Variants in ERBB4 observed in about 807,000 individuals in gnomAD.
ERBB4 encodes the protein receptor tyrosine-protein kinase erbB-4.
In ERBB4, 42 loss-of-function variants were observed where a neutral mutation model predicts 158.0. That is an observed-to-expected ratio of 0.27 (90% CI 0.21 to 0.34). The LOEUF (loss-of-function observed/expected upper bound fraction) is 0.34, where lower values mean the gene tolerates loss of function less well. Among genes scored for constraint, ERBB4 ranks in the 10% least tolerant of loss-of-function variants. The pLI is 1.00. For missense variants in ERBB4, 1,333 were observed against 1,624.1 expected (o/e 0.82, Z 3.08); for synonymous variants, 583 against 558.7 (o/e 1.04, Z -0.61).
At chr2:211,699,820 G>A (rs2073165089) in intron 12 of ERBB4, among the ~76,000 whole-genome samples, 1 of 151,892 alleles carries the variant, frequency 6.6e-6, no homozygotes, top group African/African-American at 2.4e-5. Context: ...ACTCTCTTTT[G>A]GTCATTTGAA....
At chr2:211,418,080 CATT>C (rs1284199311) in intron 25 of ERBB4, among the ~76,000 whole-genome samples, 8 of 123,224 alleles carry the variant, frequency 6.5e-5, no homozygotes, top group South Asian at 3.1e-4. Context: ...TTTCAAAATG[CATT>C]ATTTTTTTTT....
chr2:212,006,058 A>G (rs2076252646), intron 2 of ERBB4, among the ~76,000 whole-genome samples: 1 of 152,210 alleles, frequency 6.6e-6, no homozygotes, highest in Non-Finnish European at 1.5e-5. Flanking sequence ...TTAAACCTGT[A>G]CAAGCATACA....
chr2:212,281,897 T>C (rs541670159), intron 1 of ERBB4, among the ~76,000 whole-genome samples: 2 of 151,878 alleles, frequency 1.3e-5, no homozygotes, highest in South Asian at 2.1e-4. Context: ...TAAAAATCAA[T>C]TGTCTAACCC....
At chr2:211,859,374 TTATC>T (rs1258779533) in intron 3 of ERBB4, among the ~76,000 whole-genome samples, 4 of 152,152 alleles carry the variant, frequency 2.6e-5, no homozygotes, top group African/African-American at 9.7e-5. Flanking sequence ...TTCACATAAA[TTATC>T]TAACCTTTGT....
At chr2:212,152,110 G>GT (rs1043755163) in intron 1 of ERBB4, among the ~76,000 whole-genome samples, 1 of 151,842 alleles carries the variant, frequency 6.6e-6, no homozygotes. Context: ...AGGCTCTATT[G>GT]TTTTTTTAAA....
At chr2:212,222,740 C>T (rs1190270958) in intron 1 of ERBB4, among the ~76,000 whole-genome samples, 1 of 151,324 alleles carries the variant, frequency 6.6e-6, no homozygotes, top group Non-Finnish European at 1.5e-5. Flanking sequence ...CTGCAGTTTA[C>T]CTTCATAGTT....
chr2:211,823,101 C>A lies in ERBB4; in HGVS notation c.422-34942G>T, dbSNP rs150516665. Among the ~76,000 whole-genome samples the A allele has an allele frequency of 3.6e-3, 550 of 152,066 alleles. 5 individuals carry two copies. The highest frequency in any genetic ancestry group is 0.012 in the African/African-American group (502 of 41,522). ...AGATGAACTTGTGCTTGGAGCAGAG[C>A]TTTTCCAGTCAAGCCCTGTATAAAT... On this transcript the variant is annotated intron_variant, in intron 3 of 27. Coordinates refer to ENST00000342788, the MANE Select transcript of ERBB4 (RefSeq NM_005235.3).
intron 2 of ERBB4, among the ~76,000 whole-genome samples, chr2:211,969,795 A>G (rs1030787809): frequency 4.0e-5 from 6 of 151,738 alleles, no homozygotes; most frequent in Middle Eastern, 3.2e-3. Flanking sequence ...TTTTCTCTTT[A>G]TTAGTCTAGC....
At chr2:211,925,938 A>C (rs115434869) in intron 3 of ERBB4, among the ~76,000 whole-genome samples, 1 of 152,108 alleles carries the variant, frequency 6.6e-6, no homozygotes, top group Non-Finnish European at 1.5e-5. Flanking sequence ...CCTTGCCCCA[A>C]TTAAGTAGAA....
At chr2:211,454,920 G>A (rs1032335336) in intron 20 of ERBB4, among the ~76,000 whole-genome samples, 6 of 152,206 alleles carry the variant, frequency 3.9e-5, no homozygotes, top group South Asian at 2.1e-4. Context: ...CTGGCTGGCC[G>A]GCACACAGGA....
chr2:211,738,361 G>GTTTTGTTTTTTTTTTTTTTTTTTTT (rs1559473744), intron 5 of ERBB4, among the ~76,000 whole-genome samples: 4 of 135,338 alleles, frequency 3.0e-5, no homozygotes, highest in African/African-American at 5.1e-5. Flanking sequence ...CTTTGTTTTT[G>GTTTTGTTTTTTTTTTTTTTTTTTTT]TTTTTTTTTT....
intron 2 of ERBB4, among the ~76,000 whole-genome samples, chr2:212,056,321 C>T (rs185587031): frequency 1.5e-4 from 23 of 152,230 alleles, no homozygotes; most frequent in East Asian, 5.8e-4. Flanking sequence ...CTGAAAGTGA[C>T]GGGGAGAATG....
intron 2 of ERBB4, among the ~76,000 whole-genome samples, chr2:212,011,569 G>A (rs1305942846): frequency 6.6e-6 from 1 of 151,882 alleles, no homozygotes; most frequent in Non-Finnish European, 1.5e-5. Flanking sequence ...TGGGCAACAT[G>A]GCGAAACTCC....
chr2:212,055,496 AC>A (rs1244850356), intron 2 of ERBB4, among the ~76,000 whole-genome samples: 3 of 152,098 alleles, frequency 2.0e-5, no homozygotes, highest in African/African-American at 4.8e-5. Flanking sequence ...TGGGTACCTG[AC>A]CCCCGAGTAG....
chr2:212,192,124 A>T (rs1024534208), intron 1 of ERBB4, among the ~76,000 whole-genome samples: 1 of 114,176 alleles, frequency 8.8e-6, no homozygotes, highest in Admixed American at 1.2e-4. Flanking sequence ...TATATATATT[A>T]TGTGTTATGT....
At chr2:212,260,634 G>C (rs1328109021) in intron 1 of ERBB4, among the ~76,000 whole-genome samples, 2 of 152,022 alleles carry the variant, frequency 1.3e-5, no homozygotes. Flanking sequence ...CAAACATGGT[G>C]AAACCCCGTC....
intron 12 of ERBB4, among the ~76,000 whole-genome samples, chr2:211,699,898 T>C (rs926022178): frequency 3.9e-5 from 6 of 152,184 alleles, no homozygotes; most frequent in African/African-American, 1.4e-4. Flanking sequence ...CTTTTTCCCA[T>C]CTTGCTTCCC....
chr2:211,885,298 GA>G (rs2106163010), intron 3 of ERBB4, among the ~76,000 whole-genome samples: 1 of 152,146 alleles, frequency 6.6e-6, no homozygotes, highest in South Asian at 2.1e-4. Context: ...AGGCCTGAAA[GA>G]AAGTCAATAA....
intron 1 of ERBB4, among the ~76,000 whole-genome samples, chr2:212,430,436 G>GC (rs2092001528): frequency 7.2e-6 from 1 of 138,634 alleles, no homozygotes; most frequent in East Asian, 2.0e-4. Flanking sequence ...TCGCATGTTG[G>GC]TTTTTTTTTT....
Sources: allele counts gnomAD v4.1 joint callset (sites outside exome capture counted in the v4.1 genomes callset), GRCh38; gene constraint gnomAD v4.1.1; transcripts MANE v1.5; gene names NCBI Gene and HGNC (gene_info 2026-07-23, HGNC 2026-07-21).